The following GASK1B variants were observed in gnomAD, a reference collection of about 807,000 sequenced individuals.
GASK1B encodes the protein Golgi-associated kinase 1B.
In GASK1B, 34 loss-of-function variants were observed where a neutral mutation model predicts 42.8. The ratio of observed to expected loss-of-function variants is 0.79; its 90% CI spans 0.60 to 1.06. GASK1B has a LOEUF of 1.06. Among genes scored for constraint, GASK1B ranks in the 50% least tolerant of loss-of-function variants. The pLI, the probability that GASK1B is intolerant of heterozygous loss-of-function variation, is 0.00. For missense variants in GASK1B, 686 were observed against 661.0 expected, an observed-to-expected ratio of 1.04 and a Z score of -0.42; for synonymous variants, 262 against 259.1, an observed-to-expected ratio of 1.01 and a Z score of -0.11.
chr4:158,166,154 C>T (rs1346012321), intron 2 of GASK1B, among the ~76,000 whole-genome samples: 2 of 152,150 alleles, frequency 1.3e-5, no homozygotes, highest in Admixed American at 6.5e-5. Context: ...TCCTCAAGTG[C>T]ACCCTTCTCA....
At chr4:158,143,392 AT>A (rs1731208465) in intron 3 of GASK1B, among the ~76,000 whole-genome samples, 1 of 152,202 alleles carries the variant, frequency 6.6e-6, no homozygotes, top group Non-Finnish European at 1.5e-5. Flanking sequence ...TAGAGATTTT[AT>A]TTTGCAAGTG....
At position 158,125,804 on chromosome 4, in the gene GASK1B, T is replaced by C. The variant is rs2110913820; in HGVS notation, c.*1603A>G. ...GCCTAGAAAAGCTACAATTAGATTTTCAAATGATCTCTCTCTCCTTGGTCC... is the reference window on the plus strand; with the variant it reads ...GCCTAGAAAAGCTACAATTAGATTTCCAAATGATCTCTCTCTCCTTGGTCC... On this transcript the variant is annotated 3_prime_UTR_variant, in exon 5 of 5. Coordinates refer to ENST00000585682, the MANE Select transcript of GASK1B (RefSeq NM_001128424.2). 1 of 152,274 alleles carries C rather than the reference T, an allele frequency of 6.6e-6. No homozygotes were observed. 9.4% of individuals were successfully genotyped at this position (152,274 alleles called of 1,614,324 possible).
chr4:158,161,001 G>A (rs1731968667), intron 2 of GASK1B, among the ~76,000 whole-genome samples: 1 of 151,866 alleles, frequency 6.6e-6, no homozygotes, highest in African/African-American at 2.4e-5. Context: ...ACAAAGTTTC[G>A]GTTAGACAGG....
At position 158,170,990 on chromosome 4, in the gene GASK1B, C is replaced by A; in HGVS notation, c.386G>T (p.Arg129Leu). Residue 129 changes from arginine to leucine, a missense_variant, in exon 2 of 5, where the codon CGC (arginine) becomes CTC (leucine). Transcript: ENST00000585682. ...CGATGCCACTGCATGCTTTTTCCTG[C>A]GCTTGGGCTTCACGGTGCCACGGAT... ...ANIRGTVKPK[R>L]RKKHAVASAA... 1 of 1,614,190 alleles carries A rather than the reference C, an allele frequency of 6.2e-7. No individual in the cohort carries two copies. Among genetic ancestry groups the A allele is most frequent in the Non-Finnish European group, 8.5e-7 (1 of 1,180,022 alleles).
chr4:158,134,795 C>T (rs1006901542), intron 3 of GASK1B, among the ~76,000 whole-genome samples: 6 of 151,940 alleles, frequency 3.9e-5, no homozygotes, highest in African/African-American at 7.3e-5. Flanking sequence ...ATGAGTGATT[C>T]GACTTATGCT....
At chr4:158,127,660 T>C (rs375835201) in intron 4 of GASK1B, 46 bp from the exon 5 acceptor site, 1 of 1,513,308 alleles carries the variant, frequency 6.6e-7, no homozygotes, top group Non-Finnish European at 9.0e-7. Context: ...TGCTTGGGAA[T>C]AGTACTCCTT....
intron 3 of GASK1B, among the ~76,000 whole-genome samples, chr4:158,134,482 C>T (rs576398930): frequency 1.3e-5 from 2 of 152,256 alleles, no homozygotes; most frequent in African/African-American, 2.4e-5. Flanking sequence ...CTCATTATTG[C>T]TGCTTGTTCA....
At chr4:158,157,929 TA>T (rs1731818620) in intron 2 of GASK1B, among the ~76,000 whole-genome samples, 3 of 152,120 alleles carry the variant, frequency 2.0e-5, no homozygotes, top group Non-Finnish European at 4.4e-5. Flanking sequence ...AAAAATCACC[TA>T]TAACCTCATC....
chr4:158,163,506 T>C (rs1483073528), intron 2 of GASK1B, among the ~76,000 whole-genome samples: 1 of 151,372 alleles, frequency 6.6e-6, no homozygotes, highest in African/African-American at 2.4e-5. Flanking sequence ...GAGGCAGAGG[T>C]TGCAGTGAGC....
intron 3 of GASK1B, among the ~76,000 whole-genome samples, chr4:158,149,930 T>TTTTTTTTTTTC (rs950690541): frequency 9.1e-6 from 1 of 109,612 alleles, no homozygotes; most frequent in Non-Finnish European, 1.9e-5. Context: ...CTGCTTTTTT[T>TTTTTTTTTTTC]TTTTTTTTTT....
Position 158,161,596 on chromosome 4 carries a change from G to C in GASK1B, c.911-5771C>G, listed in dbSNP as rs537344162. ...AATGGGCAGGAACTTCTGCTTTCTA[G>C]GTCTGCCCTGAACTTCTGCTGTATA... On this transcript the variant is annotated intron_variant, in intron 2 of 4. Coordinates refer to ENST00000585682, the MANE Select transcript of GASK1B (RefSeq NM_001128424.2). 3.9e-5 allele frequency among the ~76,000 whole-genome samples: 6 copies of C among 152,236 alleles called. No homozygotes were observed. In the South Asian group the frequency reaches 1.2e-3, roughly 32 times the overall value.
chr4:158,151,329 T>C (rs1731546857), intron 3 of GASK1B, among the ~76,000 whole-genome samples: 3 of 152,314 alleles, frequency 2.0e-5, no homozygotes, highest in Admixed American at 2.0e-4. Flanking sequence ...ATAAGTTACA[T>C]GGCCAACTGA....
chr4:158,172,346 GC>G (rs1418861018), intron 1 of GASK1B: 2 of 152,100 alleles, frequency 1.3e-5, no homozygotes, highest in Non-Finnish European at 2.9e-5. Flanking sequence ...TACACAGCTG[GC>G]CCCATGCTTG....
At chr4:158,131,286 T>C (rs1730673729) in intron 3 of GASK1B, among the ~76,000 whole-genome samples, 1 of 152,224 alleles carries the variant, frequency 6.6e-6, no homozygotes, top group South Asian at 2.1e-4. Flanking sequence ...AAGTTCCCAC[T>C]GACATCACAT....
intron 2 of GASK1B, among the ~76,000 whole-genome samples, chr4:158,163,637 T>A (rs1487749089): frequency 6.6e-6 from 1 of 152,222 alleles, no homozygotes; most frequent in African/African-American, 2.4e-5. Flanking sequence ...TTAACTCATT[T>A]CATTCTCATG....
chr4:158,144,311 T>A lies in GASK1B; in HGVS notation c.1125+11300A>T, dbSNP rs570957861. ...TATTTTATTAAGTAGTATCATTAAT[T>A]ATCTTAAGTAACATCATCAATACTG... On this transcript the variant is annotated intron_variant, in intron 3 of 4. Transcript: ENST00000585682. 9.8e-5 allele frequency among the ~76,000 whole-genome samples: 15 copies of A among 152,342 alleles called. No homozygotes were observed. In the South Asian group the frequency reaches 3.1e-3, roughly 32 times the overall value.
chr4:158,153,603 C>T (rs1240045631), intron 3 of GASK1B, among the ~76,000 whole-genome samples: 1 of 152,140 alleles, frequency 6.6e-6, no homozygotes, highest in African/African-American at 2.4e-5. Flanking sequence ...TGACTTCAAA[C>T]TGTACTATAA....
intron 3 of GASK1B, among the ~76,000 whole-genome samples, chr4:158,134,900 G>A (rs1730825584): frequency 2.0e-5 from 3 of 152,074 alleles, no homozygotes; most frequent in African/African-American, 7.2e-5. Context: ...CCAACCCTAT[G>A]CACACTACCC....
chr4:158,155,293 T>G (rs1254033882), intron 3 of GASK1B, among the ~76,000 whole-genome samples: 1 of 152,194 alleles, frequency 6.6e-6, no homozygotes, highest in Non-Finnish European at 1.5e-5. Context: ...AAGCTGTCCC[T>G]TGTGCGGAAA....
Sources: gnomAD v4.1 joint callset for allele counts (sites outside exome capture counted in the v4.1 genomes callset) on GRCh38, gnomAD v4.1.1 for gene constraint, MANE v1.5 for transcripts, NCBI Gene and HGNC (gene_info 2026-07-23, HGNC 2026-07-21) for gene names.